The following DCAF13 variants were observed in gnomAD, a reference collection of about 807,000 sequenced individuals.
DCAF13 encodes the protein DDB1- and CUL4-associated factor 13.
Under a neutral mutation model 59.0 loss-of-function variants are expected in DCAF13, and 38 were observed. That is an observed-to-expected ratio of 0.64 (90% CI 0.50 to 0.84). The LOEUF (loss-of-function observed/expected upper bound fraction) is 0.84. DCAF13 is among the 40% of genes least tolerant of loss of function. DCAF13 has a pLI of 0.00. For synonymous variants in DCAF13, 173 were observed against 175.0 expected (o/e 0.99, Z 0.09); for missense variants, 469 against 558.4 (o/e 0.84, Z 1.61).
At chr8:103,429,384 T>G (rs985512879) in intron 5 of DCAF13, 8 of 152,084 alleles carry the variant, frequency 5.3e-5, no homozygotes, top group Non-Finnish European at 8.8e-5. Context: ...GTACAGACAG[T>G]AGGAGGAGTT....
chr8:103,436,227 T>G lies in DCAF13; in HGVS notation c.950+437T>G, dbSNP rs551407796. ...GAGAGGGTACCTGAGTTTAATAAAG[T>G]TTTTTGCTCCAATACAGTTTAAGAA... is the stretch of plus-strand genomic sequence containing the variant. On this transcript the variant is annotated intron_variant, in intron 8 of 10. Coordinates refer to ENST00000612750, the MANE Select transcript of DCAF13 (RefSeq NM_015420.7). Among the ~76,000 whole-genome samples the G allele has an allele frequency of 3.5e-4, 54 of 152,332 alleles. 1 individual carries two copies. The Middle Eastern group carries it at 0.017, about 48-fold the overall frequency.
Position 103,421,462 on chromosome 8 carries a change from C to G in DCAF13, c.378+380C>G, listed in dbSNP as rs148522275. Among the ~76,000 whole-genome samples, 786 of 152,276 alleles carry G rather than the reference C, an allele frequency of 5.2e-3. 2 individuals are homozygous for G. Among genetic ancestry groups the G allele is most frequent in the Non-Finnish European group, 6.4e-3 (436 of 68,030 alleles). On this transcript the variant is annotated intron_variant, in intron 3 of 10. Transcript: ENST00000612750. The stretch of plus-strand genomic sequence containing the variant: ...AGATATCCGGAACGTAAAATTTACT[C>G]TCTGTTTTTAAATATACAGTTTGGT...
intron 10 of DCAF13, chr8:103,442,583 T>C: frequency 5.6e-6 from 2 of 360,236 alleles, no homozygotes; most frequent in South Asian, 1.8e-4. Flanking sequence ...TTAAACTTAG[T>C]AAAGGACCCT....
chr8:103,430,591 G>C, intron 5 of DCAF13, 21 bp from the exon 6 acceptor site: 1 of 1,592,222 alleles, frequency 6.3e-7, no homozygotes, highest in African/African-American at 1.3e-5. Context: ...TTGAACTGGT[G>C]ATTGTTATAC....
chr8:103,440,292 T>C (rs767442115), intron 9 of DCAF13, 21 bp downstream of exon 9: 106 of 1,545,646 alleles, frequency 6.9e-5, no homozygotes, highest in Non-Finnish European at 8.0e-5. Context: ...TCATTTTCTT[T>C]CATTGTCATA....
Position 103,420,437 on chromosome 8 carries a change from G to A in DCAF13, c.244G>A (p.Val82Ile). ...AAAGCATCCAGAGAAGCTGGCTACT[G>A]TCCTTTCTGGGGCGTGTGATGGAGA... ...LAKHPEKLATVLSGACDGEVR... is the reference protein window; with the variant it reads ...LAKHPEKLATILSGACDGEVR... Residue 82 changes from valine to isoleucine, a missense_variant, in exon 2 of 11, where the codon GTC becomes ATC. Val to Ile is a conservative substitution (Grantham distance 29, BLOSUM62 3). Around this residue, in one of 3 missense-constraint regions of DCAF13, gnomAD observed 355 missense variants for 399.1 expected, o/e 0.89. Transcript: ENST00000612750. The A allele has an allele frequency of 6.2e-7, 1 of 1,613,878 alleles. No individual in the cohort carries two copies. The highest frequency in any genetic ancestry group is 8.5e-7 in the Non-Finnish European group (1 of 1,179,890).
intron 8 of DCAF13, chr8:103,439,706 T>G (rs952273181): frequency 6.6e-6 from 1 of 152,422 alleles, no homozygotes; most frequent in Non-Finnish European, 1.5e-5. Flanking sequence ...CATTTCTTTC[T>G]TTTTCAGTAA....
intron 8 of DCAF13, 99 bp downstream of exon 8, chr8:103,435,889 A>G: frequency 1.6e-6 from 2 of 1,272,860 alleles, no homozygotes; most frequent in East Asian, 2.3e-5. Context: ...CATTGTGTGA[A>G]CATCATCAGA....
intron 1 of DCAF13, among the ~76,000 whole-genome samples, chr8:103,418,531 TCAAAA>T (rs1816659642): frequency 6.6e-6 from 1 of 151,356 alleles, no homozygotes; most frequent in Non-Finnish European, 1.5e-5. Flanking sequence ...ATACCGCATC[TCAAAA>T]CAAAAACAAA....
chr8:103,420,423 A>G lies in DCAF13; in HGVS notation c.230A>G (p.Glu77Gly). The part of the protein sequence containing the change: ...DGVNCLAKHP[E>G]KLATVLSGAC... ...GTCAATTGCTTGGCAAAGCATCCAG[A>G]GAAGCTGGCTACTGTCCTTTCTGGG... is the stretch of plus-strand genomic sequence containing the variant. The change falls in exon 2 of 11, where the codon GAG becomes GGG. Residue 77 changes from glutamate to glycine, a missense_variant. Around this residue, in one of 3 missense-constraint regions of DCAF13, gnomAD observed 355 missense variants for 399.1 expected, o/e 0.89. Coordinates refer to ENST00000612750, the MANE Select transcript of DCAF13 (RefSeq NM_015420.7). 1 of 1,614,070 alleles carries G rather than the reference A, an allele frequency of 6.2e-7. No individual in the cohort carries two copies. The highest frequency in any genetic ancestry group is 8.5e-7 in the Non-Finnish European group (1 of 1,179,982).
chr8:103,430,585 A>ACT (rs1816849921), intron 5 of DCAF13, 27 bp from the exon 6 acceptor site: 1 of 1,557,602 alleles, frequency 6.4e-7, no homozygotes, highest in Non-Finnish European at 8.8e-7. Context: ...CTGGCTTTGA[A>ACT]CTGGTGATTG....
chr8:103,416,230 T>C (rs901320750), intron 1 of DCAF13, among the ~76,000 whole-genome samples: 3 of 152,202 alleles, frequency 2.0e-5, no homozygotes, highest in African/African-American at 7.2e-5. Flanking sequence ...CGAGATGAGA[T>C]GAGGCGAAAA....
Position 103,418,525 on chromosome 8 carries a change from C to T in DCAF13, c.71-1739C>T, listed in dbSNP as rs571077123. Reference sequence around the variant, plus strand: ...TCCAGCTTGGGTGACAGAATGATACCGCATCTCAAAACAAAAACAAAAACA... The same window carrying T: ...TCCAGCTTGGGTGACAGAATGATACTGCATCTCAAAACAAAAACAAAAACA... On this transcript the variant is annotated intron_variant, in intron 1 of 10. Transcript: ENST00000612750. 5.1e-4 allele frequency among the ~76,000 whole-genome samples: 78 copies of T among 151,494 alleles called. 2 individuals carry two copies. The South Asian group carries it at 0.013, about 26-fold the overall frequency.
chr8:103,435,816 A>G (rs1229231725), intron 8 of DCAF13, 26 bp downstream of exon 8: 5 of 1,608,758 alleles, frequency 3.1e-6, no homozygotes, highest in Admixed American at 1.7e-5. Context: ...TAAGCCATTT[A>G]TATTCATATG....
At chr8:103,431,684 G>C (rs1816867408) in intron 6 of DCAF13, among the ~76,000 whole-genome samples, 1 of 152,138 alleles carries the variant, frequency 6.6e-6, no homozygotes, top group Non-Finnish European at 1.5e-5. Context: ...ACTTCGCTGA[G>C]AATAAAACAT....
chr8:103,421,080 A>G lies in DCAF13; in HGVS notation c.376A>G (p.Thr126Ala). 1 of 1,580,170 alleles carries G rather than the reference A, an allele frequency of 6.3e-7. No homozygotes were observed. Among genetic ancestry groups the G allele is most frequent in the East Asian group, 2.2e-5 (1 of 44,668 alleles). The change falls in exon 3 of 11, where the codon ACT (threonine) becomes GCT (alanine). Residue 126 changes from threonine (T) to alanine (A), a missense_variant and splice_region_variant. By Grantham distance (58) the Thr-to-Ala change is moderately conservative (BLOSUM62 0). This residue lies in a region of DCAF13 where 355 missense variants were observed against 399.1 expected (regional missense o/e 0.89). Transcript: ENST00000612750. ...CTRFCGTSFF[T>A]VGDDKTVKQW... ...TCGCTTTTGTGGGACTTCTTTTTTC[A>G]CTGTAAGTATAATACCATTAAGTCA...
intron 3 of DCAF13, among the ~76,000 whole-genome samples, chr8:103,422,414 A>G (rs1816733995): frequency 6.6e-6 from 1 of 152,240 alleles, no homozygotes; most frequent in South Asian, 2.1e-4. Context: ...TAGAAATACA[A>G]AGATGTCAAG....
chr8:103,435,266 G>A (rs1031275984), intron 7 of DCAF13, among the ~76,000 whole-genome samples: 11 of 152,094 alleles, frequency 7.2e-5, no homozygotes, highest in Non-Finnish European at 1.6e-4. Context: ...TTAAAAGTAT[G>A]TATTTAAATA....
At chr8:103,429,176 T>C (rs1027375220) in intron 5 of DCAF13, 1 of 152,184 alleles carries the variant, frequency 6.6e-6, no homozygotes, top group Admixed American at 6.5e-5. Context: ...TTGTTTTGCT[T>C]TGTTCAGATC....
Sources: gnomAD v4.1 joint callset for allele counts (sites outside exome capture counted in the v4.1 genomes callset) on GRCh38, gnomAD v4.1.1 for gene constraint, gnomAD v4.1.1 regional missense constraint, MANE v1.5 for transcripts, NCBI Gene and HGNC (gene_info 2026-07-23, HGNC 2026-07-21) for gene names.